URGCP: variants seen among roughly 807,000 people sequenced by gnomAD.
URGCP encodes up-regulator of cell proliferation.
A neutral mutation model predicts 24.6 loss-of-function variants in URGCP; 13 were observed. The ratio of observed to expected loss-of-function variants is 0.53; its 90% CI spans 0.34 to 0.84. The LOEUF is 0.84. Among genes scored for constraint, URGCP ranks in the 40% least tolerant of loss-of-function variants. The pLI is 0.01. For synonymous variants in URGCP, 444 were observed against 487.2 expected (o/e 0.91, Z 1.17); for missense variants, 899 against 1,194.3 (o/e 0.75, Z 3.64).
At chr7:43,883,360 ATATTT>A (rs2095857491) in intron 3 of URGCP, among the ~76,000 whole-genome samples, 1 of 98,232 alleles carries the variant, frequency 1.0e-5, no homozygotes, top group South Asian at 3.0e-4. Flanking sequence ...ATATATATAT[ATATTT>A]TTTTTTTTTT....
rs1176715012 is a variant in URGCP, at chr7:43,906,590, C to G, written c.-15G>C. The G allele has an allele frequency of 2.5e-5, 31 of 1,232,278 alleles. No homozygotes were observed. In the South Asian group the frequency reaches 6.1e-4, roughly 24 times the overall value. 76.3% of individuals were successfully genotyped at this position (1,232,278 alleles called of 1,614,324 possible). On this transcript the variant is annotated 5_prime_UTR_variant, in exon 1 of 6. Coordinates refer to ENST00000453200, the MANE Select transcript of URGCP (RefSeq NM_001077663.3). The stretch of plus-strand genomic sequence containing the variant: ...GGCGACGCCATGAGCGCAGCGAGGT[C>G]TCCGCTCCCGCCTCCTTCGCTTCCT...
At chr7:43,904,000 G>A (rs1275101783) in intron 1 of URGCP, among the ~76,000 whole-genome samples, 3 of 152,222 alleles carry the variant, frequency 2.0e-5, no homozygotes, top group East Asian at 3.8e-4. Context: ...GCTGTTGAGT[G>A]AGGCCTGTTC....
intron 3 of URGCP, among the ~76,000 whole-genome samples, chr7:43,884,026 G>T (rs2095858574): frequency 6.6e-6 from 1 of 152,238 alleles, no homozygotes; most frequent in Admixed American, 6.5e-5. Flanking sequence ...AGATGCCAGA[G>T]ATAGGGTTAG....
chr7:43,919,548 AG>A, intron 1 of URGCP: 1 of 1,393,874 alleles, frequency 7.2e-7, no homozygotes, highest in African/African-American at 1.4e-5. Context: ...ATCAGTGGCC[AG>A]CGTGAGGAAG....
chr7:43,898,578 G>T (rs2095883074), intron 1 of URGCP, among the ~76,000 whole-genome samples: 2 of 151,862 alleles, frequency 1.3e-5, no homozygotes, highest in Admixed American at 1.3e-4. Context: ...ACCAGCCTGA[G>T]CAACACAGTG....
At chr7:43,894,350 A>T (rs1452159344) in intron 1 of URGCP, among the ~76,000 whole-genome samples, 2 of 152,138 alleles carry the variant, frequency 1.3e-5, no homozygotes, top group Non-Finnish European at 2.9e-5. Flanking sequence ...AAATTTTTTA[A>T]ATTTTAATTT....
chr7:43,878,292 G>A lies in URGCP; in HGVS notation c.1171C>T (p.Arg391Cys), dbSNP rs751810342. 2 of 1,614,186 alleles carry A rather than the reference G, an allele frequency of 1.2e-6. No homozygotes were observed. Among genetic ancestry groups the A allele is most frequent in the Non-Finnish European group, 1.7e-6 (2 of 1,180,034 alleles). ...TKYYFILSPY[R>C]GKRNTNLRFL... ...CTCAGGTTTGTGTTGCGCTTCCCACGGTAGGGACTCAGGATGAAGTAGTAT... is the reference window on the plus strand; with the variant it reads ...CTCAGGTTTGTGTTGCGCTTCCCACAGTAGGGACTCAGGATGAAGTAGTAT... The change falls in exon 6 of 6, where the codon CGT becomes TGT. Residue 391 changes from arginine (R) to cysteine (C), a missense_variant. Physicochemically the swap from Arg to Cys is radical, Grantham distance 180 (BLOSUM62 -3). Transcript: ENST00000453200. The surrounding 1 kb of genome is among the most constrained non-coding windows in gnomAD (Gnocchi z 5.6).
Position 43,878,371 on chromosome 7 carries a change from A to G in URGCP, c.1092T>C (p.Asn364=). The part of the protein sequence containing the change: ...ISSAVFILTD[N]ISKKEYKLLY... ...GCAATTTGTATTCCTTCTTACTGAT[A>G]TTGTCAGTCAATATAAACACAGCGG... Residue 364 remains asparagine, a synonymous_variant, in exon 6 of 6, where the codon AAT becomes AAC. Transcript: ENST00000453200. The surrounding 1 kb of genome is among the most constrained non-coding windows in gnomAD (Gnocchi z 5.6). 6 of 1,614,170 alleles carry G rather than the reference A, an allele frequency of 3.7e-6. No homozygotes were observed. The highest frequency in any genetic ancestry group is 5.1e-6 in the Non-Finnish European group (6 of 1,180,042).
In URGCP at chr7:43,887,781, T is replaced by C; in HGVS notation, c.41+9A>G. The C allele has an allele frequency of 6.5e-7, 1 of 1,549,202 alleles. No individual in the cohort carries two copies. Among genetic ancestry groups the C allele is most frequent in the Non-Finnish European group, 8.7e-7 (1 of 1,146,260 alleles). ...ACAGTCATTCAGAAAGACAGAAAAA[T>C]ATACATACCCTTTGCCCAGTAATTC... On this transcript the variant is annotated intron_variant, in intron 2 of 5. Transcript: ENST00000453200.
At position 43,878,167 on chromosome 7, in the gene URGCP, C is replaced by T. The variant is rs1268356544; in HGVS notation, c.1296G>A (p.Arg432=). The T allele has an allele frequency of 4.3e-6, 7 of 1,614,256 alleles. No individual in the cohort carries two copies. The highest frequency in any genetic ancestry group is 5.1e-6 in the Non-Finnish European group (6 of 1,180,050). Residue 432 remains arginine, a synonymous_variant, in exon 6 of 6, where the codon CGG becomes CGA. Transcript: ENST00000453200. The surrounding 1 kb of genome is among the most constrained non-coding windows in gnomAD (Gnocchi z 5.6). ...TDSDSFVKRI[R]AIVGNVLRAP... ...CCCGCAGCACATTCCCAACGATGGC[C>T]CGGATCCTCTTCACGAAGCTGTCGC...
chr7:43,879,415 G>C (rs2095850689), intron 5 of URGCP, among the ~76,000 whole-genome samples, 155 bp from the exon 6 acceptor site: 2 of 152,278 alleles, frequency 1.3e-5, no homozygotes, highest in East Asian at 3.9e-4. Flanking sequence ...TGTGCTCAAG[G>C]CTGACCTGAG....
rs1405622556 is a variant in URGCP at position 43,876,202 on chromosome 7, C to G, written c.*465G>C. 2 of 169,502 alleles carry G rather than the reference C, an allele frequency of 1.2e-5. No homozygotes were observed. The highest frequency in any genetic ancestry group is 2.5e-5 in the Non-Finnish European group (2 of 78,590). The allele number at this position is 169,502 out of a possible 1,614,324, so 10.5% of individuals were successfully genotyped here. A position where few individuals can be genotyped will look rare whatever the true frequency, so the allele number is the denominator to read the frequency against. On this transcript the variant is annotated 3_prime_UTR_variant, in exon 6 of 6. Coordinates refer to ENST00000453200, the MANE Select transcript of URGCP (RefSeq NM_001077663.3). ...GTGCCTTGCACACCACGGGCACTCA[C>G]ATCTTGAATGCTGGTCCACTGGAGG...
At position 43,878,242 on chromosome 7, in the gene URGCP, CA is replaced by C; in HGVS notation, c.1220del (p.Val407GlyfsTer2). 6.2e-7 allele frequency: 1 copy of C among 1,614,226 alleles called. No individual in the cohort carries two copies. The highest frequency in any genetic ancestry group is 8.5e-7 in the Non-Finnish European group (1 of 1,180,048). Reference sequence around the variant, plus strand: ...GGACATGTGAGTGGTCTATTTTCAGCACAGGAATTAACTTATTCAGAAATCT... The same window carrying C: ...GGACATGTGAGTGGTCTATTTTCAGCCAGGAATTAACTTATTCAGAAATCT... ...NLRFLNKLIPVLKIDHSHVLV... is the reference protein window; with the variant it reads ...NLRFLNKLIPXLKIDHSHVLV... On this transcript the variant is annotated frameshift_variant, in exon 6 of 6. Coordinates refer to ENST00000453200, the MANE Select transcript of URGCP (RefSeq NM_001077663.3). LOFTEE classifies it low-confidence loss of function (END_TRUNC). This position sits in a 1 kb window ranked among gnomAD's most constrained non-coding sequence, Gnocchi z 5.6.
chr7:43,876,231 T>C lies in URGCP; in HGVS notation c.*436A>G. ...TTGAATGCTGGTCCACTGGAGGCCC[T>C]TGGGTTGGGCGGGAGCAAGGCCTAC... On this transcript the variant is annotated 3_prime_UTR_variant, in exon 6 of 6. Coordinates refer to ENST00000453200, the MANE Select transcript of URGCP (RefSeq NM_001077663.3). The C allele has an allele frequency of 5.7e-6, 1 of 175,596 alleles. No homozygotes were observed. The allele number at this position is 175,596 out of a possible 1,614,324, so 10.9% of individuals were successfully genotyped here.
At chr7:43,893,728 G>A (rs1473839707) in intron 1 of URGCP, among the ~76,000 whole-genome samples, 1 of 152,090 alleles carries the variant, frequency 6.6e-6, no homozygotes, top group African/African-American at 2.4e-5. Context: ...AAAATTAGAC[G>A]GGTGTGATGG....
At chr7:43,883,102 A>T (rs1459016789) in intron 3 of URGCP, among the ~76,000 whole-genome samples, 1 of 152,024 alleles carries the variant, frequency 6.6e-6, no homozygotes, top group Non-Finnish European at 1.5e-5. Context: ...GTCCATCAAC[A>T]TTAACATCTT....
At position 43,878,166 on chromosome 7, in the gene URGCP, C is replaced by T. The variant is rs2095848247; in HGVS notation, c.1297G>A (p.Ala433Thr). 3 of 1,614,140 alleles carry T rather than the reference C, an allele frequency of 1.9e-6. No homozygotes were observed. The highest frequency in any genetic ancestry group is 1.3e-5 in the African/African-American group (1 of 74,952). Reference protein sequence around the residue: ...DSDSFVKRIRAIVGNVLRAPC... With the variant: ...DSDSFVKRIRTIVGNVLRAPC... ...GCCCGCAGCACATTCCCAACGATGGCCCGGATCCTCTTCACGAAGCTGTCG... is the reference window on the plus strand; with the variant it reads ...GCCCGCAGCACATTCCCAACGATGGTCCGGATCCTCTTCACGAAGCTGTCG... Residue 433 changes from alanine (A) to threonine (T), a missense_variant, in exon 6 of 6, where the codon GCC becomes ACC. Coordinates refer to ENST00000453200, the MANE Select transcript of URGCP (RefSeq NM_001077663.3). This position sits in a 1 kb window ranked among gnomAD's most constrained non-coding sequence, Gnocchi z 5.6.
At chr7:43,921,185 G>A (rs754228050) in intron 1 of URGCP, among the ~76,000 whole-genome samples, 11 of 152,102 alleles carry the variant, frequency 7.2e-5, no homozygotes, top group Non-Finnish European at 1.3e-4. Context: ...AATTAGCCGG[G>A]CGTGGTGGTG....
At position 43,877,315 on chromosome 7, in the gene URGCP, C is replaced by A; in HGVS notation, c.2148G>T (p.Arg716=). 1 of 1,613,186 alleles carries A rather than the reference C, an allele frequency of 6.2e-7. No homozygotes were observed. The highest frequency in any genetic ancestry group is 8.5e-7 in the Non-Finnish European group (1 of 1,180,032). The change falls in exon 6 of 6, where the codon CGG becomes CGT. Residue 716 remains arginine (R), a synonymous_variant. Coordinates refer to ENST00000453200, the MANE Select transcript of URGCP (RefSeq NM_001077663.3). ...GACCGCAGCTCTTCCCTGTGGCAAA[C>A]CGCAGCCCAAACATGGTGTTGAGGA... ...STLLNTMFGL[R]FATGKSCGPR... is the part of the protein sequence containing the mutation.
Sources: gnomAD v4.1 joint callset for allele counts (sites outside exome capture counted in the v4.1 genomes callset) on GRCh38, gnomAD v4.1.1 for gene constraint, Gnocchi (gnomAD v3.1) non-coding constraint, MANE v1.5 for transcripts, NCBI Gene and HGNC (gene_info 2026-07-23, HGNC 2026-07-21) for gene names.